Variants in SKAP1 observed in about 807,000 individuals in gnomAD.
SKAP1 encodes src kinase associated phosphoprotein 1.
Under a neutral mutation model 58.5 loss-of-function variants are expected in SKAP1, and 44 were observed. The ratio of observed to expected loss-of-function variants is 0.75; its 90% CI spans 0.59 to 0.97. The LOEUF (loss-of-function observed/expected upper bound fraction) is 0.97, where lower values mean the gene tolerates loss of function less well. Among genes scored for constraint, SKAP1 ranks in the 50% least tolerant of loss-of-function variants. SKAP1 has a pLI of 0.00. For missense variants in SKAP1, 390 were observed against 435.2 expected (o/e 0.90, Z 0.92); for synonymous variants, 127 against 149.7 (o/e 0.85, Z 1.11).
At chr17:48,296,121 T>C (rs1417742084) in intron 4 of SKAP1, among the ~76,000 whole-genome samples, 2 of 152,068 alleles carry the variant, frequency 1.3e-5, no homozygotes, top group Admixed American at 6.6e-5. Flanking sequence ...CTTCAGGGAA[T>C]TGTATGAACT....
chr17:48,280,972 C>T (rs865792463), intron 4 of SKAP1, among the ~76,000 whole-genome samples: 5 of 152,130 alleles, frequency 3.3e-5, no homozygotes, highest in African/African-American at 1.2e-4. Flanking sequence ...AGAACCTGTA[C>T]TCAGACTTAG....
chr17:48,155,654 C>G (rs1282353227), intron 11 of SKAP1, among the ~76,000 whole-genome samples: 1 of 151,528 alleles, frequency 6.6e-6, no homozygotes, highest in Admixed American at 6.6e-5. Context: ...GCCAGGAGTT[C>G]GAGACCAGCC....
chr17:48,213,008 G>A (rs899967445), intron 4 of SKAP1, among the ~76,000 whole-genome samples: 1 of 152,096 alleles, frequency 6.6e-6, no homozygotes, highest in Non-Finnish European at 1.5e-5. Context: ...TCTTAAAATG[G>A]GGGGCTGAGT....
chr17:48,391,673 A>G (rs965942871), intron 2 of SKAP1, among the ~76,000 whole-genome samples: 17 of 152,162 alleles, frequency 1.1e-4, no homozygotes, highest in African/African-American at 3.9e-4. Flanking sequence ...GATAAGACTG[A>G]AAAAGGAAGA....
chr17:48,380,143 G>A (rs2067197572), intron 2 of SKAP1: 1 of 152,254 alleles, frequency 6.6e-6, no homozygotes, highest in Non-Finnish European at 1.5e-5. Context: ...GGGGTCCTCA[G>A]AGTTTCGATT....
chr17:48,206,602 G>A (rs1294526782), intron 4 of SKAP1, among the ~76,000 whole-genome samples: 1 of 152,026 alleles, frequency 6.6e-6, no homozygotes, highest in Non-Finnish European at 1.5e-5. Context: ...GGGAATTGAT[G>A]GCTGGGATGG....
chr17:48,309,476 T>C (rs537880809), intron 4 of SKAP1, among the ~76,000 whole-genome samples: 1 of 152,300 alleles, frequency 6.6e-6, no homozygotes, highest in South Asian at 2.1e-4. Context: ...AGGTGGCCTG[T>C]AATAATTCAA....
chr17:48,224,088 AGAGGAG>A (rs1156753929), intron 4 of SKAP1, among the ~76,000 whole-genome samples: 2 of 59,018 alleles, frequency 3.4e-5, no homozygotes, highest in Non-Finnish European at 6.1e-5. Flanking sequence ...AGGAGGAGGA[AGAGGAG>A]GAGGAGGAGG....
At chr17:48,307,934 C>T (rs2066170134) in intron 4 of SKAP1, 1 of 152,186 alleles carries the variant, frequency 6.6e-6, no homozygotes, top group South Asian at 2.1e-4. Flanking sequence ...GGTTTCTAGC[C>T]TCATCTCCAT....
upstream of SKAP1, chr17:48,430,272 C>G (rs1231037206): frequency 2.1e-6 from 1 of 474,152 alleles, no homozygotes; most frequent in African/African-American, 2.1e-5. Context: ...CGTGGGTCCC[C>G]GGGCGCGTCA....
chr17:48,181,881 T>A (rs1467246797), intron 8 of SKAP1, among the ~76,000 whole-genome samples: 4 of 152,190 alleles, frequency 2.6e-5, no homozygotes, highest in Non-Finnish European at 5.9e-5. Context: ...CAGGCAGGAC[T>A]CTTCCCATCC....
chr17:48,444,688 A>C, the SKAP1 span, among the ~76,000 whole-genome samples: 1 of 152,292 alleles, frequency 6.6e-6, no homozygotes, highest in South Asian at 2.1e-4. Flanking sequence ...ACTTCTCTGC[A>C]CCACGCCCAT....
At chr17:48,195,555 A>G (rs1483046553) in intron 4 of SKAP1, among the ~76,000 whole-genome samples, 1 of 152,272 alleles carries the variant, frequency 6.6e-6, no homozygotes, top group Non-Finnish European at 1.5e-5. Flanking sequence ...GCACTCAAAC[A>G]GATGGCTTTA....
chr17:48,249,798 T>C (rs1022121920), intron 4 of SKAP1, among the ~76,000 whole-genome samples: 1 of 152,174 alleles, frequency 6.6e-6, no homozygotes. Context: ...TATGACTCAC[T>C]GATAGCTTTT....
chr17:48,423,671 A>G (rs1408919819), intron 1 of SKAP1, among the ~76,000 whole-genome samples: 1 of 152,214 alleles, frequency 6.6e-6, no homozygotes, highest in African/African-American at 2.4e-5. Context: ...CACAGTGTTA[A>G]TATCTAAGAG....
chr17:48,137,296 G>A lies in SKAP1; in HGVS notation c.1020C>T (p.Ser340=). 1 of 1,613,796 alleles carries A rather than the reference G, an allele frequency of 6.2e-7. No homozygotes were observed. The highest frequency in any genetic ancestry group is 8.5e-7 in the Non-Finnish European group (1 of 1,179,768). The change falls in exon 12 of 13, where the codon AGC becomes AGT. Residue 340 remains serine, a synonymous_variant. Transcript: ENST00000336915. The part of the protein sequence containing the change: ...MYGWWVGELN[S]LVGIVPKEYL... ...ACTCCTTTGGAACAATCCCAACGAG[G>A]CTGTTCAGTTCTCCCACCCACCAGC...
intron 4 of SKAP1, among the ~76,000 whole-genome samples, chr17:48,320,932 T>G (rs2066354375): frequency 6.6e-6 from 1 of 152,182 alleles, no homozygotes; most frequent in Non-Finnish European, 1.5e-5. Flanking sequence ...TTCTTTCTGT[T>G]TCTGGTGGAA....
Position 48,359,952 on chromosome 17 carries a change from G to A in SKAP1, c.178+3837C>T, listed in dbSNP as rs1413635220. On this transcript the variant is annotated intron_variant, in intron 3 of 12. Transcript: ENST00000336915. Reference sequence around the variant, plus strand: ...TCGATTTACTTTGACGTGAATATAGGCTTGCCATTTCAAAATGAGATTTTT... The same window carrying A: ...TCGATTTACTTTGACGTGAATATAGACTTGCCATTTCAAAATGAGATTTTT... Among the ~76,000 whole-genome samples, 3 of 152,146 alleles carry A rather than the reference G, an allele frequency of 2.0e-5. No individual in the cohort carries two copies. The East Asian group carries it at 5.8e-4, about 29-fold the overall frequency.
intron 3 of SKAP1, among the ~76,000 whole-genome samples, chr17:48,362,539 T>C (rs1437472544): frequency 6.6e-6 from 1 of 152,238 alleles, no homozygotes; most frequent in African/African-American, 2.4e-5. Context: ...CATTATTACA[T>C]AAAATTATCC....
Sources: gnomAD v4.1 joint callset for allele counts (sites outside exome capture counted in the v4.1 genomes callset) on GRCh38, gnomAD v4.1.1 for gene constraint, MANE v1.5 for transcripts, NCBI Gene and HGNC (gene_info 2026-07-23, HGNC 2026-07-21) for gene names.